The following TANC2 variants were observed in gnomAD, a reference collection of about 807,000 sequenced individuals.
TANC2 encodes tetratricopeptide repeat, ankyrin repeat and coiled-coil containing 2.
In TANC2, 26 loss-of-function variants were observed where a neutral mutation model predicts 210.5. The ratio of observed to expected loss-of-function variants is 0.12; its 90% CI spans 0.09 to 0.17. The LOEUF is 0.17. Among genes scored for constraint, TANC2 ranks in the 10% least tolerant of loss-of-function variants. TANC2 has a pLI of 1.00. For synonymous variants in TANC2, 931 were observed against 967.1 expected (o/e 0.96, Z 0.69); for missense variants, 2,129 against 2,608.9 (o/e 0.82, Z 4.01).
intron 2 of TANC2, among the ~76,000 whole-genome samples, chr17:63,069,375 G>T (rs1421183452): frequency 6.6e-6 from 1 of 152,068 alleles, no homozygotes; most frequent in Non-Finnish European, 1.5e-5. Context: ...TCTTCCAATT[G>T]TAACAACCAA....
At chr17:63,221,836 A>G (rs2042200735) in intron 7 of TANC2, among the ~76,000 whole-genome samples, 1 of 152,186 alleles carries the variant, frequency 6.6e-6, no homozygotes, top group African/African-American at 2.4e-5. Flanking sequence ...AAAACTCCTT[A>G]GGCATTCTTT....
chr17:63,188,243 C>T (rs1256902940), intron 5 of TANC2, among the ~76,000 whole-genome samples: 2 of 151,490 alleles, frequency 1.3e-5, no homozygotes, highest in African/African-American at 4.9e-5. Context: ...TTGAGAGGAC[C>T]ACCTGAGCTC....
chr17:63,194,018 C>T (rs1420055688), exon 6 of TANC2: 2 of 1,613,148 alleles, frequency 1.2e-6, no homozygotes, highest in South Asian at 2.2e-5. Flanking sequence ...CTTGGCCCCC[C>T]TCCATCTGTA....
intron 2 of TANC2, among the ~76,000 whole-genome samples, chr17:63,040,993 AT>A (rs1434162776): frequency 1.3e-5 from 2 of 152,294 alleles, no homozygotes; most frequent in African/African-American, 4.8e-5. Context: ...TGCTAAAGAC[AT>A]TTTGTATGTG....
chr17:63,329,900 A>G (rs1310253582), intron 11 of TANC2, among the ~76,000 whole-genome samples: 1 of 152,202 alleles, frequency 6.6e-6, no homozygotes. Context: ...AGCTAGAAAC[A>G]ATTAAATTTA....
intron 2 of TANC2, among the ~76,000 whole-genome samples, chr17:63,060,378 T>C (rs1312056705): frequency 1.3e-5 from 2 of 152,178 alleles, no homozygotes; most frequent in Non-Finnish European, 2.9e-5. Context: ...CCCAGCACTT[T>C]GGGAGGCTGA....
In TANC2 at chr17:63,409,075, G is replaced by A. The variant is rs527268463; in HGVS notation, c.3590-2436G>A. 1.2e-4 allele frequency among the ~76,000 whole-genome samples: 19 copies of A among 152,332 alleles called. No homozygotes were observed. The South Asian group carries it at 2.5e-3, about 20-fold the overall frequency. ...GGAAACAGATCCAGAATATGAAAGG[G>A]TGGGTGGAGAATTTAAAAGTGGGGA... is the stretch of plus-strand genomic sequence containing the variant. On this transcript the variant is annotated intron_variant, in intron 21 of 27. Coordinates refer to ENST00000689528, the Ensembl canonical transcript of TANC2.
intron 4 of TANC2, among the ~76,000 whole-genome samples, chr17:63,107,945 T>C (rs1475445309): frequency 6.6e-6 from 1 of 151,788 alleles, no homozygotes; most frequent in Non-Finnish European, 1.5e-5. Flanking sequence ...CATTAAATTG[T>C]ACTTATATCT....
At chr17:63,016,070 G>C (rs2034094885) in intron 2 of TANC2, among the ~76,000 whole-genome samples, 1 of 152,128 alleles carries the variant, frequency 6.6e-6, no homozygotes, top group Admixed American at 6.6e-5. Context: ...AGAATGTGTG[G>C]AAGGCAGGAG....
At chr17:63,052,851 A>G (rs577405227) in intron 2 of TANC2, among the ~76,000 whole-genome samples, 2 of 152,328 alleles carry the variant, frequency 1.3e-5, no homozygotes, top group African/African-American at 4.8e-5. Flanking sequence ...GTACTAATAA[A>G]ACTTTATTTG....
intron 4 of TANC2, among the ~76,000 whole-genome samples, chr17:63,127,861 C>G (rs1472846282): frequency 6.6e-6 from 1 of 152,192 alleles, no homozygotes; most frequent in Non-Finnish European, 1.5e-5. Context: ...TGACCTTCCC[C>G]TAATCACTTG....
At chr17:63,093,145 A>G (rs2037266056) in intron 3 of TANC2, among the ~76,000 whole-genome samples, 1 of 152,026 alleles carries the variant, frequency 6.6e-6, no homozygotes, top group Non-Finnish European at 1.5e-5. Flanking sequence ...CTTTGTAAGA[A>G]ATCTACCTGA....
intron 5 of TANC2, among the ~76,000 whole-genome samples, chr17:63,156,673 C>A (rs901914769): frequency 3.9e-5 from 6 of 151,912 alleles, no homozygotes; most frequent in African/African-American, 1.2e-4. Context: ...ATATAAATGG[C>A]TTTTCTTCCC....
At chr17:62,982,286 G>A (rs759442189) in intron 1 of TANC2, among the ~76,000 whole-genome samples, 1 of 152,106 alleles carries the variant, frequency 6.6e-6, no homozygotes, top group East Asian at 1.9e-4. Flanking sequence ...AGGATTTAGA[G>A]ACTACCTTTC....
chr17:62,987,462 A>G (rs1251492699), intron 1 of TANC2, among the ~76,000 whole-genome samples: 1 of 152,202 alleles, frequency 6.6e-6, no homozygotes, highest in African/African-American at 2.4e-5. Flanking sequence ...TAGGAACTGC[A>G]TGAATTCCCT....
intron 19 of TANC2, among the ~76,000 whole-genome samples, chr17:63,404,207 A>G (rs1217169459): frequency 1.3e-5 from 2 of 152,198 alleles, no homozygotes; most frequent in Non-Finnish European, 2.9e-5. Context: ...CTCATTTTTT[A>G]AAACAATAGA....
chr17:63,311,997 C>T (rs944057680), intron 9 of TANC2, among the ~76,000 whole-genome samples: 16 of 151,890 alleles, frequency 1.1e-4, no homozygotes, highest in African/African-American at 3.9e-4. Context: ...TGAAGGTATT[C>T]GGGAATAGAT....
At chr17:63,274,965 G>A (rs944620600) in intron 9 of TANC2, among the ~76,000 whole-genome samples, 1 of 152,170 alleles carries the variant, frequency 6.6e-6, no homozygotes, top group Non-Finnish European at 1.5e-5. Flanking sequence ...TAGAAACTAA[G>A]TTTGCTGCCT....
intron 6 of TANC2, among the ~76,000 whole-genome samples, chr17:63,200,004 T>C (rs1389721344): frequency 6.6e-6 from 1 of 152,190 alleles, no homozygotes; most frequent in Non-Finnish European, 1.5e-5. Context: ...GACACTTCCT[T>C]GCATTAAGAA....
Sources: gnomAD v4.1 joint callset for allele counts (sites outside exome capture counted in the v4.1 genomes callset) on GRCh38, gnomAD v4.1.1 for gene constraint, MANE v1.5 for transcripts, NCBI Gene and HGNC (gene_info 2026-07-23, HGNC 2026-07-21) for gene names.